Variants in SMOC1 observed in about 807,000 individuals in gnomAD.
The protein encoded by SMOC1 is SPARC-related modular calcium-binding protein 1.
Under a neutral mutation model 56.3 loss-of-function variants are expected in SMOC1, and 22 were observed. The observed-to-expected ratio is 0.39, with a 90% CI of 0.28 to 0.56. The LOEUF (loss-of-function observed/expected upper bound fraction) is 0.56, where lower values mean the gene tolerates loss of function less well. Ranked by LOEUF, SMOC1 falls within the 20% of genes least tolerant of loss-of-function variation. The probability of loss-of-function intolerance (pLI) is 0.61; values close to 1 mark genes in which losing one functional copy is unlikely to be tolerated. For synonymous variants in SMOC1, 193 were observed against 215.0 expected, an observed-to-expected ratio of 0.90 and a Z score of 0.89; for missense variants, 509 against 565.4, an observed-to-expected ratio of 0.90 and a Z score of 1.01.
At chr14:69,935,262 C>T (rs1431550873) in intron 1 of SMOC1, among the ~76,000 whole-genome samples, 1 of 152,214 alleles carries the variant, frequency 6.6e-6, no homozygotes, top group Non-Finnish European at 1.5e-5. Flanking sequence ...TTTTAAGTGT[C>T]TCCTTCAGAG....
chr14:69,893,860 C>A (rs952604583), intron 1 of SMOC1, among the ~76,000 whole-genome samples: 2 of 152,114 alleles, frequency 1.3e-5, no homozygotes, highest in Non-Finnish European at 2.9e-5. Flanking sequence ...TAAAATGAGT[C>A]TGTTACGGTG....
At chr14:69,966,811 C>T (rs948210907) in intron 3 of SMOC1, among the ~76,000 whole-genome samples, 4 of 152,292 alleles carry the variant, frequency 2.6e-5, no homozygotes, top group African/African-American at 9.6e-5. Flanking sequence ...TTATAGAATC[C>T]ACAGAAAGAC....
At chr14:69,957,570 C>T (rs1236520258) in intron 3 of SMOC1, among the ~76,000 whole-genome samples, 5 of 152,106 alleles carry the variant, frequency 3.3e-5, no homozygotes, top group African/African-American at 4.8e-5. Context: ...ATTTCTATCA[C>T]CATTGTTGTT....
chr14:69,997,562 A>AT (rs1368299357), intron 7 of SMOC1, among the ~76,000 whole-genome samples: 1 of 152,102 alleles, frequency 6.6e-6, no homozygotes, highest in African/African-American at 2.4e-5. Flanking sequence ...GCCTTGCAGG[A>AT]TTTCTTTGTG....
At chr14:70,004,393 T>A (rs1332789654) in intron 7 of SMOC1, among the ~76,000 whole-genome samples, 1 of 152,240 alleles carries the variant, frequency 6.6e-6, no homozygotes, top group Non-Finnish European at 1.5e-5. Context: ...GGTCAACATT[T>A]ACAGTCAATT....
At chr14:69,966,195 C>A (rs1193061142) in intron 3 of SMOC1, among the ~76,000 whole-genome samples, 2 of 152,186 alleles carry the variant, frequency 1.3e-5, no homozygotes, top group South Asian at 4.2e-4. Context: ...TGATACTTAA[C>A]CCCCAAGATA....
At chr14:69,985,370 A>G (rs1401249267) in intron 5 of SMOC1, among the ~76,000 whole-genome samples, 1 of 152,242 alleles carries the variant, frequency 6.6e-6, no homozygotes, top group Non-Finnish European at 1.5e-5. Flanking sequence ...CATATACCAT[A>G]TAATCCAGCA....
intron 5 of SMOC1, among the ~76,000 whole-genome samples, chr14:69,987,661 C>T (rs1261062665): frequency 6.6e-6 from 1 of 152,158 alleles, no homozygotes; most frequent in Non-Finnish European, 1.5e-5. Flanking sequence ...AAAAGTCTTT[C>T]CCTGAGAATA....
chr14:69,962,047 A>G (rs1163420731), intron 3 of SMOC1, among the ~76,000 whole-genome samples: 7 of 152,224 alleles, frequency 4.6e-5, no homozygotes, highest in Admixed American at 2.0e-4. Flanking sequence ...GGCCATTTCT[A>G]TATCTTTGGA....
In SMOC1 at chr14:69,952,201, A is replaced by G. The variant is rs143490732; in HGVS notation, c.163A>G (p.Ile55Val). 6.2e-7 allele frequency: 1 copy of G among 1,613,998 alleles called. No individual in the cohort carries two copies. The highest frequency in any genetic ancestry group is 8.5e-7 in the Non-Finnish European group (1 of 1,180,028). Residue 55 changes from isoleucine to valine, a missense_variant, in exon 2 of 12, where the codon ATC becomes GTC. Physicochemically the swap from Ile to Val is conservative, Grantham distance 29. This residue lies in a region of SMOC1 where 315 missense variants were observed against 333.1 expected (regional missense o/e 0.95). Transcript: ENST00000361956. Reference protein sequence around the residue: ...LHCSRTQPKPICASDGRSYES... With the variant: ...LHCSRTQPKPVCASDGRSYES... ...CTGCTCCAGGACTCAACCCAAACCC[A>G]TCTGTGCCTCTGATGGCAGGTCCTA...
At chr14:69,976,370 A>G (rs1429595585) in intron 4 of SMOC1, among the ~76,000 whole-genome samples, 2 of 152,222 alleles carry the variant, frequency 1.3e-5, no homozygotes, top group African/African-American at 4.8e-5. Flanking sequence ...AAGAGAACCC[A>G]GATATCGAGG....
intron 3 of SMOC1, 70 bp from the exon 4 acceptor site, chr14:69,975,645 G>A (rs913667634): frequency 9.3e-7 from 1 of 1,076,054 alleles, no homozygotes; most frequent in Non-Finnish European, 1.4e-6. Context: ...GCTTTGAAAG[G>A]GGTTGGAGAT....
intron 1 of SMOC1, among the ~76,000 whole-genome samples, chr14:69,902,917 G>A (rs1884288109): frequency 6.6e-6 from 1 of 152,228 alleles, no homozygotes; most frequent in Non-Finnish European, 1.5e-5. Context: ...CGTTCACTCA[G>A]TGCTCAGTGT....
chr14:69,903,900 TA>T (rs55792587), intron 1 of SMOC1, among the ~76,000 whole-genome samples: 93,661 of 138,992 alleles, frequency 0.67, 34,997 homozygotes, highest in East Asian at 0.91. Flanking sequence ...AATGATCAAT[TA>T]AAAAAAAAAA....
At chr14:69,947,948 T>C (rs1449828248) in intron 1 of SMOC1, among the ~76,000 whole-genome samples, 1 of 152,208 alleles carries the variant, frequency 6.6e-6, no homozygotes, top group African/African-American at 2.4e-5. Flanking sequence ...GCCTTTATCT[T>C]AATAGCTCCA....
chr14:69,893,226 A>G (rs1291912601), intron 1 of SMOC1, among the ~76,000 whole-genome samples: 1 of 152,248 alleles, frequency 6.6e-6, no homozygotes, highest in Non-Finnish European at 1.5e-5. Flanking sequence ...TTCAGGAGAC[A>G]TACAACATCT....
rs1594865983 is a variant in SMOC1 at position 70,030,571 on chromosome 14, C to A, written c.*313C>A. On this transcript the variant is annotated 3_prime_UTR_variant, in exon 12 of 12. Transcript: ENST00000361956. ...GGGGTGGGGGAGGGTGTTGTTGGGG[C>A]TGAGAAGAAAGAGATTTATATGCTG... 1 of 422,466 alleles carries A rather than the reference C, an allele frequency of 2.4e-6. No homozygotes were observed. The allele number at this position is 422,466 out of a possible 1,614,324, so 26.2% of individuals were successfully genotyped here. A position where few individuals can be genotyped will look rare whatever the true frequency, so the allele number is the denominator to read the frequency against.
intron 3 of SMOC1, among the ~76,000 whole-genome samples, chr14:69,956,399 C>A (rs901040936): frequency 6.7e-6 from 1 of 150,250 alleles, no homozygotes; most frequent in Non-Finnish European, 1.5e-5. Context: ...GCCAAAATGC[C>A]GGGAGATGAA....
chr14:70,006,596 T>A (rs1481475641), intron 7 of SMOC1, among the ~76,000 whole-genome samples: 1 of 152,256 alleles, frequency 6.6e-6, no homozygotes, highest in Non-Finnish European at 1.5e-5. Context: ...TATCTGCTGC[T>A]GTGTAACAGA....
Sources: gnomAD v4.1 joint callset for allele counts (sites outside exome capture counted in the v4.1 genomes callset) on GRCh38, gnomAD v4.1.1 for gene constraint, gnomAD v4.1.1 regional missense constraint, MANE v1.5 for transcripts, NCBI Gene and HGNC (gene_info 2026-07-23, HGNC 2026-07-21) for gene names.